Variants in JHY observed in about 807,000 individuals in gnomAD.
JHY encodes the protein junctional cadherin complex regulator.
JHY carries 69 observed loss-of-function variants against 78.0 expected under a neutral mutation model. The ratio of observed to expected loss-of-function variants is 0.88; its 90% CI spans 0.73 to 1.08. The LOEUF is 1.08. JHY is among the 50% of genes least tolerant of loss of function. JHY has a pLI of 0.00. For missense variants in JHY, 944 were observed against 927.8 expected, an observed-to-expected ratio of 1.02 and a Z score of -0.23; for synonymous variants, 368 against 342.6, an observed-to-expected ratio of 1.07 and a Z score of -0.82.
chr11:122,944,712 C>A (rs1863930779), intron 5 of JHY, among the ~76,000 whole-genome samples: 4 of 152,062 alleles, frequency 2.6e-5, no homozygotes. Flanking sequence ...TTTAGAAGTT[C>A]TTTTAGCAAG....
At chr11:122,937,832 T>C (rs1863789867) in intron 5 of JHY, among the ~76,000 whole-genome samples, 1 of 152,106 alleles carries the variant, frequency 6.6e-6, no homozygotes, top group Non-Finnish European at 1.5e-5. Context: ...GAGAGGTAAA[T>C]GTTTTGAGAT....
At chr11:122,913,566 C>T (rs150880963) in intron 3 of JHY, among the ~76,000 whole-genome samples, 74 of 152,274 alleles carry the variant, frequency 4.9e-4, no homozygotes, top group Non-Finnish European at 1.6e-4. Context: ...AGCCCAGACC[C>T]GGCATTTCCT....
At chr11:122,957,655 C>A (rs1175969155) in intron 8 of JHY, among the ~76,000 whole-genome samples, 164 bp downstream of exon 8, 2 of 149,798 alleles carry the variant, frequency 1.3e-5, no homozygotes, top group African/African-American at 4.9e-5. Context: ...TAAGCCTCCC[C>A]AAGTGTTGGG....
rs769197966 is a variant in JHY, at chr11:122,904,313, G to A, written c.733G>A (p.Gly245Ser). Residue 245 changes from glycine to serine, a missense_variant, in exon 3 of 9, where the codon GGC becomes AGC. Coordinates refer to ENST00000227349, the MANE Select transcript of JHY (RefSeq NM_024806.4). ...HNEVFLPGSR[G>S]PRRRKSKQHF... ...CGAGGTTTTCCTGCCGGGATCACGT[G>A]GCCCTCGGCGAAGGAAATCCAAACA... is the stretch of plus-strand genomic sequence containing the variant. 3.3e-5 allele frequency: 54 copies of A among 1,613,974 alleles called. No individual in the cohort carries two copies. The highest frequency in any genetic ancestry group is 4.6e-5 in the Non-Finnish European group (54 of 1,180,026).
At position 122,886,202 on chromosome 11, in the gene JHY, T is replaced by C. The variant is rs768906567; in HGVS notation, c.344+9T>C. ...CAGGGCGCCAATAACAGGTAAGGAA[T>C]TGGCTTGTGTAAGATAATAATGGGC... is the stretch of plus-strand genomic sequence containing the variant. On this transcript the variant is annotated intron_variant, in intron 2 of 8. Coordinates refer to ENST00000227349, the MANE Select transcript of JHY (RefSeq NM_024806.4). 46 of 1,598,618 alleles carry C rather than the reference T, an allele frequency of 2.9e-5. 1 individual carries two copies. The South Asian group carries it at 5.2e-4, about 18-fold the overall frequency.
intron 5 of JHY, among the ~76,000 whole-genome samples, chr11:122,936,696 C>T (rs1356241041): frequency 6.6e-6 from 1 of 152,042 alleles, no homozygotes; most frequent in Non-Finnish European, 1.5e-5. Flanking sequence ...CCCTTTTATT[C>T]CTAGGGTTAA....
chr11:122,895,992 A>G (rs1783690154), intron 2 of JHY, among the ~76,000 whole-genome samples: 1 of 152,146 alleles, frequency 6.6e-6, no homozygotes, highest in African/African-American at 2.4e-5. Context: ...CAGAAAGGAG[A>G]GAAAGGGGAT....
At chr11:122,920,767 A>G (rs1863345618) in intron 3 of JHY, among the ~76,000 whole-genome samples, 1 of 152,194 alleles carries the variant, frequency 6.6e-6, no homozygotes, top group African/African-American at 2.4e-5. Flanking sequence ...ACCTCAGTGT[A>G]AACACCTCAT....
At chr11:122,901,562 TAAGC>T (rs1475826698) in intron 2 of JHY, among the ~76,000 whole-genome samples, 57 of 146,322 alleles carry the variant, frequency 3.9e-4, no homozygotes, top group African/African-American at 1.4e-3. Context: ...ATTCTGTAAG[TAAGC>T]TTTTTTCTAT....
rs555208679 is a variant in JHY, at chr11:122,896,203, A to G, written c.345-7722A>G. Reference sequence around the variant, plus strand: ...TTTCTAGGTTCCACTTAAAACATCAATCTTTTCTGTAGTGGGTGATATTGC... The same window carrying G: ...TTTCTAGGTTCCACTTAAAACATCAGTCTTTTCTGTAGTGGGTGATATTGC... On this transcript the variant is annotated intron_variant, in intron 2 of 8. Coordinates refer to ENST00000227349, the MANE Select transcript of JHY (RefSeq NM_024806.4). Among the ~76,000 whole-genome samples, 4 of 152,226 alleles carry G rather than the reference A, an allele frequency of 2.6e-5. No individual in the cohort carries two copies. In the East Asian group the frequency reaches 5.8e-4, roughly 22 times the overall value.
chr11:122,959,260 G>A lies in JHY; in HGVS notation c.2152G>A (p.Ala718Thr), dbSNP rs139788166. 11 of 1,613,794 alleles carry A rather than the reference G, an allele frequency of 6.8e-6. No homozygotes were observed. Among genetic ancestry groups the A allele is most frequent in the African/African-American group, 2.7e-5 (2 of 74,838 alleles). ...TTTATGCGTTTAGGCTTTGGAATAC[G>A]CTAAGACCATCCCCAAACCCAAACC... The part of the protein sequence containing the change: ...AIPRQKALEY[A>T]KTIPKPKPSN... Residue 718 changes from alanine (A) to threonine (T), a missense_variant, in exon 9 of 9, where the codon GCT becomes ACT. Ala to Thr is a moderately conservative substitution (Grantham distance 58). Coordinates refer to ENST00000227349, the MANE Select transcript of JHY (RefSeq NM_024806.4).
chr11:122,896,492 C>G (rs1312273776), intron 2 of JHY, among the ~76,000 whole-genome samples: 1 of 152,078 alleles, frequency 6.6e-6, no homozygotes, highest in Non-Finnish European at 1.5e-5. Context: ...AAAGTACTTA[C>G]GTTTCTTAAT....
At chr11:122,939,343 A>T (rs1351189400) in intron 5 of JHY, among the ~76,000 whole-genome samples, 2 of 151,974 alleles carry the variant, frequency 1.3e-5, no homozygotes, top group African/African-American at 2.4e-5. Flanking sequence ...TCTCACATAG[A>T]CTTTCACCAC....
Position 122,937,869 on chromosome 11 carries a change from C to T in JHY, c.1634+2794C>T, listed in dbSNP as rs140231397. On this transcript the variant is annotated intron_variant, in intron 5 of 8. Transcript: ENST00000227349. ...TTGCTGAAATTATCTTTCTTCTGCC[C>T]TCGCCCCTGATTGGTAGCTTGGCAG... Among the ~76,000 whole-genome samples the T allele has an allele frequency of 3.3e-3, 504 of 152,242 alleles. 1 individual carries two copies. The highest frequency in any genetic ancestry group is 0.011 in the African/African-American group (443 of 41,546).
chr11:122,951,856 A>G (rs541580964), intron 6 of JHY, among the ~76,000 whole-genome samples: 1 of 152,330 alleles, frequency 6.6e-6, no homozygotes, highest in African/African-American at 2.4e-5. Flanking sequence ...CAGAGTCGGT[A>G]GATGCCAGCT....
chr11:122,903,577 C>G (rs1862907748), intron 2 of JHY, among the ~76,000 whole-genome samples: 1 of 152,146 alleles, frequency 6.6e-6, no homozygotes, highest in African/African-American at 2.4e-5. Context: ...CTCCTTAGCT[C>G]AAGCAATCCT....
At chr11:122,922,809 C>CAAAAAAAAAAA (rs571482464) in intron 3 of JHY, among the ~76,000 whole-genome samples, 23 of 44,370 alleles carry the variant, frequency 5.2e-4, no homozygotes, top group African/African-American at 1.0e-3. Flanking sequence ...GACTCCGTCT[C>CAAAAAAAAAAA]AAAAAAAAAA....
At chr11:122,918,498 C>T (rs1197744585) in intron 3 of JHY, among the ~76,000 whole-genome samples, 6 of 151,120 alleles carry the variant, frequency 4.0e-5, no homozygotes, top group Admixed American at 2.6e-4. Flanking sequence ...TGAGAGGGCA[C>T]GCCATGCGAA....
intron 8 of JHY, 151 bp from the exon 9 acceptor site, chr11:122,959,097 A>T (rs1864251603): frequency 7.2e-7 from 1 of 1,392,764 alleles, no homozygotes; most frequent in African/African-American, 1.5e-5. Flanking sequence ...TGTGTGTTAT[A>T]TTGCATTGTT....
Sources: allele counts gnomAD v4.1 joint callset (sites outside exome capture counted in the v4.1 genomes callset), GRCh38; gene constraint gnomAD v4.1.1; transcripts MANE v1.5; gene names NCBI Gene and HGNC (gene_info 2026-07-23, HGNC 2026-07-21).